SPECC1: variants seen among roughly 807,000 people sequenced by gnomAD.
The protein encoded by SPECC1 is sperm antigen with calponin homology and coiled-coil domains 1.
Under a neutral mutation model 104.1 loss-of-function variants are expected in SPECC1, and 62 were observed. The ratio of observed to expected loss-of-function variants is 0.60; its 90% CI spans 0.49 to 0.74. The LOEUF (loss-of-function observed/expected upper bound fraction) is 0.74, where lower values mean the gene tolerates loss of function less well. Ranked by LOEUF, SPECC1 falls within the 30% of genes least tolerant of loss-of-function variation. The pLI is 0.00. For missense variants in SPECC1, 1,306 were observed against 1,310.5 expected (o/e 1.00, Z 0.05); for synonymous variants, 513 against 501.6 (o/e 1.02, Z -0.30).
chr17:20,187,920 C>G (rs150867380), intron 3 of SPECC1, among the ~76,000 whole-genome samples: 1 of 152,166 alleles, frequency 6.6e-6, no homozygotes, highest in Non-Finnish European at 1.5e-5. Flanking sequence ...TCAGATGTCA[C>G]GTGGAAGAGG....
intron 1 of SPECC1, among the ~76,000 whole-genome samples, chr17:20,049,165 T>C (rs1001907334): frequency 6.6e-6 from 1 of 152,174 alleles, no homozygotes; most frequent in Non-Finnish European, 1.5e-5. Flanking sequence ...GCCATCAGTA[T>C]ATATATGCTA....
chr17:20,096,537 C>A, intron 1 of SPECC1, 94 bp from the exon 2 acceptor site: 1 of 1,364,868 alleles, frequency 7.3e-7, no homozygotes, highest in Admixed American at 2.2e-5. Context: ...TGTGATAGTT[C>A]ATGGTGACGT....
chr17:20,199,061 T>C (rs1214049276), intron 3 of SPECC1, among the ~76,000 whole-genome samples: 1 of 150,376 alleles, frequency 6.6e-6, no homozygotes, highest in East Asian at 2.0e-4. Context: ...GGTAATGGAA[T>C]TGCAGGATCT....
At chr17:20,287,670 A>C (rs1486071048) in intron 12 of SPECC1, among the ~76,000 whole-genome samples, 2 of 152,172 alleles carry the variant, frequency 1.3e-5, no homozygotes, top group Admixed American at 1.3e-4. Context: ...GCACAGCAGC[A>C]GAGCAGCCTC....
intron 1 of SPECC1, among the ~76,000 whole-genome samples, chr17:20,095,047 C>A (rs1567838033): frequency 6.6e-6 from 1 of 152,236 alleles, no homozygotes; most frequent in African/African-American, 2.4e-5. Flanking sequence ...ATCAGTAATT[C>A]TCTTCAAGAG....
Position 20,318,427 on chromosome 17 carries a change from A to G in SPECC1, c.*4362A>G, listed in dbSNP as rs1156433359. The stretch of plus-strand genomic sequence containing the variant: ...CTTTTGTAGAGACCAACCCAAGTAG[A>G]TGCAGGTGGGTGTTAGATAAAAACA... On this transcript the variant is annotated 3_prime_UTR_variant, in exon 15 of 15. Coordinates refer to ENST00000395527, the MANE Select transcript of SPECC1 (RefSeq NM_001243439.2). The G allele has an allele frequency of 8.6e-6, 2 of 231,472 alleles. No homozygotes were observed. Among genetic ancestry groups the G allele is most frequent in the Non-Finnish European group, 1.7e-5 (2 of 116,984 alleles). The allele number at this position is 231,472 out of a possible 1,614,324, so 14.3% of individuals were successfully genotyped here. A position where few individuals can be genotyped will look rare whatever the true frequency, so the allele number is the denominator to read the frequency against.
chr17:20,256,601 G>A (rs895697857), intron 10 of SPECC1, among the ~76,000 whole-genome samples: 18 of 152,136 alleles, frequency 1.2e-4, no homozygotes, highest in Non-Finnish European at 4.4e-5. Flanking sequence ...CCTGGTCCCT[G>A]GTCTGCTCTG....
intron 9 of SPECC1, among the ~76,000 whole-genome samples, chr17:20,248,340 C>G (rs2039500635): frequency 2.0e-5 from 3 of 152,134 alleles, no homozygotes; most frequent in African/African-American, 4.8e-5. Flanking sequence ...GCTTCCCAGT[C>G]CCTTATAGTT....
intron 2 of SPECC1, among the ~76,000 whole-genome samples, chr17:20,103,737 G>A (rs1356029704): frequency 6.6e-6 from 1 of 152,074 alleles, no homozygotes; most frequent in Non-Finnish European, 1.5e-5. Context: ...CTCTCCCCAG[G>A]ACGTCCGCAT....
chr17:20,222,873 A>G (rs1400056206), intron 4 of SPECC1, among the ~76,000 whole-genome samples: 2 of 151,936 alleles, frequency 1.3e-5, no homozygotes, highest in Non-Finnish European at 2.9e-5. Context: ...TTTTTCCTTC[A>G]GTACTTTAAA....
rs1353943120 is a variant in SPECC1, at chr17:20,157,092, G to T, written c.283+46530G>T. ...TTTTAATTTGAATGAGGACTTTGAGGCTCTGAGAGGTGAAGCGACTTGTCC... is the reference window on the plus strand; with the variant it reads ...TTTTAATTTGAATGAGGACTTTGAGTCTCTGAGAGGTGAAGCGACTTGTCC... On this transcript the variant is annotated intron_variant, in intron 3 of 14. Coordinates refer to ENST00000395527, the MANE Select transcript of SPECC1 (RefSeq NM_001243439.2). Among the ~76,000 whole-genome samples the T allele has an allele frequency of 1.8e-4, 28 of 152,204 alleles. 1 individual carries two copies. Among genetic ancestry groups the T allele is most frequent in the Non-Finnish European group, 5.9e-5 (4 of 67,974 alleles).
rs577148954 is a variant in SPECC1, at chr17:20,222,021, T to G, written c.1864-5392T>G. Among the ~76,000 whole-genome samples, 662 of 151,904 alleles carry G rather than the reference T, an allele frequency of 4.4e-3. 4 individuals carry two copies. The highest frequency in any genetic ancestry group is 0.012 in the African/African-American group (478 of 41,414). The stretch of plus-strand genomic sequence containing the variant: ...AGATACCTGATATGATTTCAGTTTT[T>G]TTTTTTTTTTTTAAGTTTTAGGAGT... On this transcript the variant is annotated intron_variant, in intron 4 of 14. Coordinates refer to ENST00000395527, the MANE Select transcript of SPECC1 (RefSeq NM_001243439.2).
At chr17:20,284,117 A>G (rs1220837238) in intron 12 of SPECC1, among the ~76,000 whole-genome samples, 1 of 152,090 alleles carries the variant, frequency 6.6e-6, no homozygotes, top group East Asian at 1.9e-4. Flanking sequence ...AAGCTTAGCC[A>G]TCTGGAACTC....
At chr17:20,108,646 A>G (rs980809376) in intron 2 of SPECC1, among the ~76,000 whole-genome samples, 4 of 152,212 alleles carry the variant, frequency 2.6e-5, no homozygotes, top group Non-Finnish European at 5.9e-5. Flanking sequence ...CCCATTTATT[A>G]GTATATCAGT....
chr17:20,022,310 G>A (rs1425708365), intron 1 of SPECC1, among the ~76,000 whole-genome samples: 2 of 152,140 alleles, frequency 1.3e-5, no homozygotes, highest in African/African-American at 2.4e-5. Context: ...ATATATGCTT[G>A]TTATCTTTTT....
At chr17:20,180,222 A>G (rs182070680) in intron 3 of SPECC1, among the ~76,000 whole-genome samples, 4 of 152,340 alleles carry the variant, frequency 2.6e-5, no homozygotes, top group Admixed American at 2.6e-4. Context: ...AGGAGAGGAA[A>G]AAGATGAAAT....
chr17:20,177,657 C>T (rs1270139747), intron 3 of SPECC1, among the ~76,000 whole-genome samples: 1 of 152,152 alleles, frequency 6.6e-6, no homozygotes, highest in Non-Finnish European at 1.5e-5. Context: ...GTATATATTA[C>T]CATAATTTAT....
chr17:20,125,331 C>CA lies in SPECC1; in HGVS notation c.283+14774dup, dbSNP rs200869188. ...CGTCATGTTTGCATCACCTTAAGGT[C>CA]AAAAAGGGTAAGTCACACCATCATA... On this transcript the variant is annotated intron_variant, in intron 3 of 14. Coordinates refer to ENST00000395527, the MANE Select transcript of SPECC1 (RefSeq NM_001243439.2). Among the ~76,000 whole-genome samples, 767 of 152,212 alleles carry CA rather than the reference C, an allele frequency of 5.0e-3. 7 individuals are homozygous for CA. Among genetic ancestry groups the CA allele is most frequent in the African/African-American group, 0.018 (727 of 41,542 alleles).
chr17:20,194,149 A>G (rs2526491), intron 3 of SPECC1, among the ~76,000 whole-genome samples: 115,940 of 152,154 alleles, frequency 0.76, 45,392 homozygotes, highest in East Asian at 0.99. Context: ...TTTTTAATTG[A>G]CTTTAATGGA....
Sources: allele counts gnomAD v4.1 joint callset (sites outside exome capture counted in the v4.1 genomes callset), GRCh38; gene constraint gnomAD v4.1.1; transcripts MANE v1.5; gene names NCBI Gene and HGNC (gene_info 2026-07-23, HGNC 2026-07-21).